Variants in KANK1 observed in about 807,000 individuals in gnomAD.
KANK1 encodes KN motif and ankyrin repeat domains 1, also known as KN motif and ankyrin repeat domain-containing protein 1.
KANK1 carries 109 observed loss-of-function variants against 106.2 expected under a neutral mutation model. The ratio of observed to expected loss-of-function variants is 1.03; its 90% CI spans 0.88 to 1.20. KANK1 has a LOEUF of 1.20. Ranked by LOEUF, KANK1 falls within the 50% of genes most tolerant of loss-of-function variation. KANK1 has a pLI of 0.00. For missense variants in KANK1, 2,399 were observed against 1,710.7 expected (o/e 1.40, Z -7.10); for synonymous variants, 873 against 652.2 (o/e 1.34, Z -5.16).
intron 2 of KANK1, among the ~76,000 whole-genome samples, chr9:700,367 A>C (rs1339268000): frequency 2.0e-5 from 3 of 152,204 alleles, no homozygotes; most frequent in East Asian, 3.8e-4. Context: ...TAGTGCTAAC[A>C]GTGTCATCAG....
At chr9:526,896 T>G (rs930462399) in intron 1 of KANK1, among the ~76,000 whole-genome samples, 1 of 151,794 alleles carries the variant, frequency 6.6e-6, no homozygotes, top group Non-Finnish European at 1.5e-5. Context: ...TCTTATGACT[T>G]CCCCCAACAC....
intron 7 of KANK1, among the ~76,000 whole-genome samples, chr9:737,901 A>G (rs1834223357): frequency 6.6e-6 from 1 of 152,244 alleles, no homozygotes; most frequent in African/African-American, 2.4e-5. Context: ...CTGAGTGTTT[A>G]TTCTCATCAC....
At chr9:686,867 C>T (rs1818704713) in intron 2 of KANK1, 3 of 985,266 alleles carry the variant, frequency 3.0e-6, no homozygotes, top group Non-Finnish European at 3.6e-6. Context: ...ATTCACAACA[C>T]CTCAGGACAC....
intron 1 of KANK1, among the ~76,000 whole-genome samples, chr9:524,311 T>C (rs2059684167): frequency 6.6e-6 from 1 of 151,610 alleles, no homozygotes; most frequent in African/African-American, 2.4e-5. Flanking sequence ...GTTGTTTTTT[T>C]TTTCTTGACA....
At position 745,243 on chromosome 9, in the gene KANK1, C is replaced by T; in HGVS notation, c.*8C>T. The T allele has an allele frequency of 6.2e-7, 1 of 1,613,952 alleles. No homozygotes were observed. Among genetic ancestry groups the T allele is most frequent in the African/African-American group, 1.3e-5 (1 of 75,030 alleles). On this transcript the variant is annotated 3_prime_UTR_variant, in exon 12 of 12. Coordinates refer to ENST00000382297, the MANE Select transcript of KANK1 (RefSeq NM_015158.5). ...CGAGGTTCATTTGATTGATTGTATGCAAATAGCCCTTTATTTACATGCCAC... is the reference window on the plus strand; with the variant it reads ...CGAGGTTCATTTGATTGATTGTATGTAAATAGCCCTTTATTTACATGCCAC...
At chr9:690,202 A>G (rs1819574074) in intron 2 of KANK1, among the ~76,000 whole-genome samples, 1 of 147,394 alleles carries the variant, frequency 6.8e-6, no homozygotes, top group East Asian at 2.0e-4. Flanking sequence ...GCTATTTAGG[A>G]GACTGAGGCA....
At chr9:587,026 C>A (rs760438762) in intron 1 of KANK1, among the ~76,000 whole-genome samples, 17 of 152,158 alleles carry the variant, frequency 1.1e-4, no homozygotes, top group Non-Finnish European at 2.2e-4. Flanking sequence ...ATGATGGTCA[C>A]TATACTGGAT....
chr9:498,272 T>C (rs2058488810), intron 3 of KANK1, among the ~76,000 whole-genome samples: 1 of 152,194 alleles, frequency 6.6e-6, no homozygotes, highest in African/African-American at 2.4e-5. Flanking sequence ...GAAGGTCTAC[T>C]ACAGAAATGG....
At chr9:489,975 A>C (rs964597436) in intron 3 of KANK1, among the ~76,000 whole-genome samples, 2 of 152,196 alleles carry the variant, frequency 1.3e-5, no homozygotes, top group Admixed American at 6.5e-5. Flanking sequence ...AAAGGAAGGA[A>C]GTACTTTTAT....
chr9:476,979 C>T (rs557972179), intron 3 of KANK1, among the ~76,000 whole-genome samples: 14 of 152,234 alleles, frequency 9.2e-5, no homozygotes, highest in African/African-American at 2.4e-4. Flanking sequence ...CCTAAGATCC[C>T]GCTTCTCATC....
chr9:517,707 G>T (rs1195888323), intron 1 of KANK1, among the ~76,000 whole-genome samples: 2 of 149,646 alleles, frequency 1.3e-5, no homozygotes, highest in Non-Finnish European at 1.5e-5. Flanking sequence ...ACCTTTTGAG[G>T]TTAAGAACGA....
chr9:630,627 C>T (rs770950372), intron 1 of KANK1, among the ~76,000 whole-genome samples: 1 of 152,040 alleles, frequency 6.6e-6, no homozygotes, highest in Non-Finnish European at 1.5e-5. Context: ...TAGGGCTGGG[C>T]GCGGTGGCTC....
chr9:598,513 A>C (rs1315316609), intron 1 of KANK1, among the ~76,000 whole-genome samples: 1 of 140,980 alleles, frequency 7.1e-6, no homozygotes, highest in South Asian at 2.3e-4. Context: ...ATTTCCATTT[A>C]TTTAGGTCTT....
chr9:700,627 C>G (rs183716834), intron 2 of KANK1, among the ~76,000 whole-genome samples: 10 of 152,242 alleles, frequency 6.6e-5, no homozygotes, highest in African/African-American at 2.4e-4. Flanking sequence ...ATGTGGAAAT[C>G]TGTGATAATT....
At chr9:512,230 A>AGTTGTGT (rs1554605618) in intron 1 of KANK1, among the ~76,000 whole-genome samples, 1 of 136,896 alleles carries the variant, frequency 7.3e-6, no homozygotes, top group African/African-American at 3.1e-5. Context: ...CATAACCAAT[A>AGTTGTGT]GTGTGTGTGT....
rs150811016 is a variant in KANK1, at chr9:711,812, A to C, written c.1046A>C (p.Tyr349Ser). Residue 349 changes from tyrosine (Y) to serine (S), a missense_variant, in exon 3 of 12, where the codon TAT (tyrosine) becomes TCT (serine). By Grantham distance (144) the Tyr-to-Ser change is moderately radical. Transcript: ENST00000382297. ...RRSGGELYID[Y>S]EEEEMETVEQ... ...AGTGGCGGGGAATTATACATTGACT[A>C]TGAGGAGGAAGAAATGGAGACCGTA... is the stretch of plus-strand genomic sequence containing the variant. 6.2e-7 allele frequency: 1 copy of C among 1,614,108 alleles called. No individual in the cohort carries two copies. The highest frequency in any genetic ancestry group is 1.1e-5 in the South Asian group (1 of 91,084).
chr9:738,144 CTT>C, intron 7 of KANK1, 139 bp from the exon 8 acceptor site: 1 of 662,018 alleles, frequency 1.5e-6, no homozygotes, highest in African/African-American at 1.8e-5. Context: ...TGAAGCTTCT[CTT>C]AGGGCTGTTG....
At chr9:666,528 A>G (rs1844624598) in intron 1 of KANK1, among the ~76,000 whole-genome samples, 2 of 152,212 alleles carry the variant, frequency 1.3e-5, no homozygotes, top group South Asian at 4.1e-4. Flanking sequence ...TCCAGATCTT[A>G]GTGGAAAGCC....
rs12003752 is a variant in KANK1, at chr9:730,817, G to A, written c.2897-341G>A. ...TTTTCAGGTTATCTCAGCTGAAGAA[G>A]AATAATAATCCCTGTTTAGTACGTA... On this transcript the variant is annotated intron_variant, in intron 4 of 11. Transcript: ENST00000382297. 0.032 allele frequency: 5,813 copies of A among 183,852 alleles called. 368 individuals are homozygous for A. The highest frequency in any genetic ancestry group is 0.13 in the African/African-American group (5,451 of 41,928). 11.4% of individuals were successfully genotyped at this position (183,852 alleles called of 1,614,324 possible).
Sources: allele counts gnomAD v4.1 joint callset (sites outside exome capture counted in the v4.1 genomes callset), GRCh38; gene constraint gnomAD v4.1.1; transcripts MANE v1.5; gene names NCBI Gene and HGNC (gene_info 2026-07-23, HGNC 2026-07-21).